DLC1: variants seen among roughly 807,000 people sequenced by gnomAD.
DLC1 encodes rho GTPase-activating protein 7.
DLC1 carries 54 observed loss-of-function variants against 140.3 expected under a neutral mutation model. That is an observed-to-expected ratio of 0.38 (90% confidence interval 0.31 to 0.48). DLC1 has a LOEUF of 0.48. DLC1 is among the 20% of genes least tolerant of loss of function. DLC1 has a pLI of 0.96. For missense variants in DLC1, 2,536 were observed against 1,907.0 expected, an observed-to-expected ratio of 1.33 and a Z score of -6.14; for synonymous variants, 986 against 728.1, an observed-to-expected ratio of 1.35 and a Z score of -5.70.
intron 5 of DLC1, among the ~76,000 whole-genome samples, chr8:13,196,257 A>G (rs1181909611): frequency 6.6e-6 from 1 of 152,212 alleles, no homozygotes; most frequent in Admixed American, 6.5e-5. Flanking sequence ...TATGTAAAAA[A>G]TGATAATACA....
At chr8:13,373,991 T>C (rs907787133) in intron 4 of DLC1, among the ~76,000 whole-genome samples, 2 of 152,244 alleles carry the variant, frequency 1.3e-5, no homozygotes, top group Non-Finnish European at 2.9e-5. Flanking sequence ...CTAAGTTTGA[T>C]TGTTTTCCAA....
chr8:13,264,052 T>TATTTATTTATTTA (rs145620486), intron 5 of DLC1, among the ~76,000 whole-genome samples: 36 of 143,034 alleles, frequency 2.5e-4, no homozygotes, highest in African/African-American at 8.1e-4. Flanking sequence ...ATAAGAAGCT[T>TATTTATTTATTTA]TTTATTTATT....
intron 4 of DLC1, among the ~76,000 whole-genome samples, chr8:13,383,443 A>C (rs531576230): frequency 6.6e-6 from 1 of 152,276 alleles, no homozygotes; most frequent in South Asian, 2.1e-4. Flanking sequence ...TCTCATCTGC[A>C]CCTGGATCTG....
At chr8:13,111,385 A>T (rs1820096962) in intron 6 of DLC1, among the ~76,000 whole-genome samples, 1 of 152,228 alleles carries the variant, frequency 6.6e-6, no homozygotes, top group East Asian at 1.9e-4. Context: ...ATGGCCTTGC[A>T]GGAATTGATA....
chr8:13,554,783 C>T (rs1803984019), intron 1 of DLC1, among the ~76,000 whole-genome samples: 1 of 152,200 alleles, frequency 6.6e-6, no homozygotes, highest in South Asian at 2.1e-4. Context: ...CCTCCCCACT[C>T]ACAATCTGAA....
chr8:13,517,083 C>A (rs1057393994), upstream of DLC1, among the ~76,000 whole-genome samples: 3 of 152,064 alleles, frequency 2.0e-5, no homozygotes, highest in Non-Finnish European at 4.4e-5. Context: ...AATTTATATG[C>A]AGAAATATTT....
In DLC1 at chr8:13,181,338, T is replaced by C. The variant is rs1319776549; in HGVS notation, c.1349-65681A>G. Among the ~76,000 whole-genome samples, 5 of 151,534 alleles carry C rather than the reference T, an allele frequency of 3.3e-5. No homozygotes were observed. In the East Asian group the frequency reaches 9.7e-4, roughly 29 times the overall value. On this transcript the variant is annotated intron_variant, in intron 5 of 17. Transcript: ENST00000276297. ...TCTTTTTTTTTTTTCTTTCTTTCTT[T>C]TTTTTTTTTTAGTAATACTTTAAGT...
At chr8:13,531,052 G>C (rs2117306354) in intron 1 of DLC1, among the ~76,000 whole-genome samples, 1 of 152,134 alleles carries the variant, frequency 6.6e-6, no homozygotes, top group South Asian at 2.1e-4. Context: ...ATGAAGAGGA[G>C]GAGATCCCAG....
At chr8:13,432,235 T>G (rs369707729) in intron 2 of DLC1, among the ~76,000 whole-genome samples, 18 of 152,280 alleles carry the variant, frequency 1.2e-4, no homozygotes, top group African/African-American at 4.1e-4. Context: ...ATAGGCAACT[T>G]CAGAACAGAT....
At chr8:13,275,223 T>C (rs984425939) in intron 5 of DLC1, among the ~76,000 whole-genome samples, 1 of 152,226 alleles carries the variant, frequency 6.6e-6, no homozygotes, top group African/African-American at 2.4e-5. Flanking sequence ...CCATGTTATC[T>C]TCACAATCTG....
chr8:13,462,142 C>A (rs1365514826), intron 2 of DLC1, among the ~76,000 whole-genome samples: 1 of 152,196 alleles, frequency 6.6e-6, no homozygotes, highest in Non-Finnish European at 1.5e-5. Flanking sequence ...ATTACCACTG[C>A]AAGGCCAGAC....
intron 5 of DLC1, among the ~76,000 whole-genome samples, chr8:13,189,817 G>T (rs551822123): frequency 2.4e-4 from 37 of 152,156 alleles, no homozygotes; most frequent in Admixed American, 6.5e-4. Flanking sequence ...GGGAGGCAGA[G>T]GTTGCGGTGA....
At chr8:13,289,590 C>T (rs1175751943) in intron 5 of DLC1, among the ~76,000 whole-genome samples, 1 of 152,170 alleles carries the variant, frequency 6.6e-6, no homozygotes, top group Non-Finnish European at 1.5e-5. Context: ...CTTGGCCTTC[C>T]AAATTGTTGG....
intron 5 of DLC1, among the ~76,000 whole-genome samples, chr8:13,185,825 C>T (rs1273983614): frequency 2.0e-5 from 3 of 152,042 alleles, no homozygotes; most frequent in Non-Finnish European, 2.9e-5. Flanking sequence ...TTCAGGAGCT[C>T]TTGTAAGGCA....
At chr8:13,389,955 T>C (rs529023083) in intron 4 of DLC1, among the ~76,000 whole-genome samples, 1 of 152,314 alleles carries the variant, frequency 6.6e-6, no homozygotes, top group South Asian at 2.1e-4. Flanking sequence ...ATTAAAACTT[T>C]TGTTCATGGT....
At chr8:13,578,009 T>TAA (rs78733121) in intron 1 of DLC1, among the ~76,000 whole-genome samples, 6 of 144,366 alleles carry the variant, frequency 4.2e-5, no homozygotes, top group African/African-American at 1.5e-4. Flanking sequence ...TCTATAGAAA[T>TAA]AAAAAAAAAA....
intron 5 of DLC1, among the ~76,000 whole-genome samples, chr8:13,185,057 C>T (rs1826273727): frequency 6.7e-6 from 1 of 148,630 alleles, no homozygotes; most frequent in African/African-American, 2.5e-5. Context: ...GTGTAATGGC[C>T]TTGTCTCTTT....
chr8:13,427,164 A>C (rs1838628685), intron 2 of DLC1, among the ~76,000 whole-genome samples: 2 of 152,130 alleles, frequency 1.3e-5, no homozygotes. Flanking sequence ...TGCCTACTCA[A>C]TTCCATGCCC....
chr8:13,422,400 T>C (rs1290516078), intron 2 of DLC1, among the ~76,000 whole-genome samples: 2 of 150,886 alleles, frequency 1.3e-5, no homozygotes, highest in Admixed American at 1.3e-4. Flanking sequence ...ATTCAGAGAT[T>C]GCTTTTTTTT....
Sources: gnomAD v4.1 joint callset for allele counts (sites outside exome capture counted in the v4.1 genomes callset) on GRCh38, gnomAD v4.1.1 for gene constraint, MANE v1.5 for transcripts, NCBI Gene and HGNC (gene_info 2026-07-23, HGNC 2026-07-21) for gene names.